The following MRPL1 variants were observed in gnomAD, a reference collection of about 807,000 sequenced individuals.
MRPL1 encodes mitochondrial ribosomal protein L1.
A neutral mutation model predicts 38.0 loss-of-function variants in MRPL1; 28 were observed. That is an observed-to-expected ratio of 0.74 (90% confidence interval 0.55 to 1.01). The LOEUF (loss-of-function observed/expected upper bound fraction) is 1.01. MRPL1 is among the 50% of genes least tolerant of loss of function. MRPL1 has a pLI of 0.00. For missense variants in MRPL1, 358 were observed against 389.8 expected (o/e 0.92, Z 0.69); for synonymous variants, 123 against 126.7 (o/e 0.97, Z 0.20).
At chr4:77,928,330 T>G (rs1019292685) in intron 7 of MRPL1, among the ~76,000 whole-genome samples, 7 of 152,314 alleles carry the variant, frequency 4.6e-5, no homozygotes, top group Admixed American at 3.3e-4. Flanking sequence ...AATTAAATGC[T>G]TATTTTGAAG....
chr4:77,947,494 G>A (rs1022955901), intron 7 of MRPL1, among the ~76,000 whole-genome samples: 2 of 152,048 alleles, frequency 1.3e-5, no homozygotes, highest in African/African-American at 4.8e-5. Flanking sequence ...CATATAATGT[G>A]CTATTGGTAA....
chr4:77,898,652 A>G (rs565380785), intron 6 of MRPL1, among the ~76,000 whole-genome samples: 48 of 151,710 alleles, frequency 3.2e-4, no homozygotes, highest in Non-Finnish European at 6.5e-4. Flanking sequence ...CACCATGCCC[A>G]GGTAATTTTT....
chr4:77,924,934 C>CA (rs2110256210), intron 7 of MRPL1, among the ~76,000 whole-genome samples: 1 of 152,286 alleles, frequency 6.6e-6, no homozygotes, highest in Admixed American at 6.5e-5. Context: ...TAAATGCCCT[C>CA]AGTATCTGCA....
chr4:77,882,048 C>G (rs1277885630), intron 2 of MRPL1, among the ~76,000 whole-genome samples: 1 of 152,156 alleles, frequency 6.6e-6, no homozygotes, highest in African/African-American at 2.4e-5. Context: ...GTTCAGAAGT[C>G]AGCAAACTTT....
rs760163600 is a variant in MRPL1 at position 77,862,897 on chromosome 4, C to T, written c.31+18C>T. 6 of 1,613,934 alleles carry T rather than the reference C, an allele frequency of 3.7e-6. No individual in the cohort carries two copies. Among genetic ancestry groups the T allele is most frequent in the Admixed American group, 1.7e-5 (1 of 59,968 alleles). The stretch of plus-strand genomic sequence containing the variant: ...GGGTAGAGGTAAGGCGAGGGGTTGT[C>T]TTGCAGGGGAAATGGCTCTGGCACC... On this transcript the variant is annotated intron_variant, in intron 1 of 8. Coordinates refer to ENST00000315567, the MANE Select transcript of MRPL1 (RefSeq NM_020236.4).
chr4:77,922,695 G>A (rs376585835), intron 7 of MRPL1, among the ~76,000 whole-genome samples: 6 of 152,204 alleles, frequency 3.9e-5, no homozygotes, highest in South Asian at 2.1e-4. Flanking sequence ...AGGTGTGATA[G>A]AAAGTGAAGA....
intron 7 of MRPL1, among the ~76,000 whole-genome samples, chr4:77,945,875 G>A (rs947606042): frequency 2.0e-4 from 30 of 152,216 alleles, no homozygotes; most frequent in African/African-American, 6.3e-4. Flanking sequence ...ACAAGGCAAA[G>A]GGCAAAGCAA....
chr4:77,866,459 A>G (rs1201821353), intron 1 of MRPL1, among the ~76,000 whole-genome samples: 1 of 152,192 alleles, frequency 6.6e-6, no homozygotes, highest in Non-Finnish European at 1.5e-5. Flanking sequence ...AAAATTTTAA[A>G]TTGTACATGT....
At chr4:77,908,910 A>T (rs983337409) in intron 6 of MRPL1, among the ~76,000 whole-genome samples, 1 of 152,222 alleles carries the variant, frequency 6.6e-6, no homozygotes, top group African/African-American at 2.4e-5. Context: ...GCTGGCTGTT[A>T]GCTTGAGTCT....
At chr4:77,925,280 A>G (rs1034641262) in intron 7 of MRPL1, among the ~76,000 whole-genome samples, 1 of 151,826 alleles carries the variant, frequency 6.6e-6, no homozygotes, top group African/African-American at 2.4e-5. Context: ...AATTAGATAT[A>G]TATGTGTGTG....
chr4:77,909,405 C>A, intron 7 of MRPL1, 33 bp downstream of exon 7: 1 of 1,287,842 alleles, frequency 7.8e-7, no homozygotes, highest in Non-Finnish European at 1.1e-6. Context: ...AAATAATCCT[C>A]TTTTTTTGTT....
chr4:77,885,679 T>A (rs994085800), intron 4 of MRPL1, among the ~76,000 whole-genome samples: 3 of 152,174 alleles, frequency 2.0e-5, no homozygotes, highest in African/African-American at 7.2e-5. Flanking sequence ...CATTTAATTT[T>A]TTTTAGAGAT....
chr4:77,878,867 G>C (rs1003536797), intron 2 of MRPL1, among the ~76,000 whole-genome samples: 1 of 152,102 alleles, frequency 6.6e-6, no homozygotes, highest in African/African-American at 2.4e-5. Context: ...AACAGAGCGA[G>C]ACTCCGTCTT....
In MRPL1 at chr4:77,894,261, T is replaced by A. The variant is rs1578045645; in HGVS notation, c.670+11T>A. On this transcript the variant is annotated intron_variant, in intron 6 of 8. Transcript: ENST00000315567. The stretch of plus-strand genomic sequence containing the variant: ...CAAAGCTTTCTCGAAGTAAGAGAAT[T>A]CCTATTATTTCAATATCCTGTCAAC... 6.8e-7 allele frequency: 1 copy of A among 1,468,058 alleles called. No individual in the cohort carries two copies. Among genetic ancestry groups the A allele is most frequent in the East Asian group, 2.3e-5 (1 of 43,588 alleles). The allele number at this position is 1,468,058 out of a possible 1,614,324, so 90.9% of individuals were successfully genotyped here.
At chr4:77,907,976 C>T (rs1736198116) in intron 6 of MRPL1, among the ~76,000 whole-genome samples, 1 of 150,670 alleles carries the variant, frequency 6.6e-6, no homozygotes, top group Non-Finnish European at 1.5e-5. Flanking sequence ...CGGCTCACTA[C>T]AATCTCTGCC....
chr4:77,951,965 A>T (rs1737421428), intron 8 of MRPL1, among the ~76,000 whole-genome samples: 1 of 152,262 alleles, frequency 6.6e-6, no homozygotes, highest in African/African-American at 2.4e-5. Context: ...ACTATTGTAA[A>T]ATAAAAATGG....
chr4:77,876,388 T>C (rs1220787583), intron 2 of MRPL1, among the ~76,000 whole-genome samples: 1 of 152,228 alleles, frequency 6.6e-6, no homozygotes, highest in Non-Finnish European at 1.5e-5. Flanking sequence ...TTCAAGAATA[T>C]TTTATCTTTA....
intron 6 of MRPL1, among the ~76,000 whole-genome samples, chr4:77,902,440 C>G (rs1736058265): frequency 6.8e-6 from 1 of 146,258 alleles, no homozygotes; most frequent in Non-Finnish European, 1.5e-5. Flanking sequence ...AATCATTGTT[C>G]TAAGATTTTT....
In MRPL1 at chr4:77,883,300, G is replaced by A; in HGVS notation, c.202G>A (p.Glu68Lys). 1 of 1,602,426 alleles carries A rather than the reference G, an allele frequency of 6.2e-7. No homozygotes were observed. ...AAAAACACCAGATGAGAAAAAAGATGAAATAGAAAAAATAAAAGCATATCC... is the reference window on the plus strand; with the variant it reads ...AAAAACACCAGATGAGAAAAAAGATAAAATAGAAAAAATAAAAGCATATCC... ...KEKTPDEKKD[E>K]IEKIKAYPYM... Residue 68 changes from glutamate to lysine, a missense_variant, in exon 3 of 9, where the codon GAA becomes AAA. Glu to Lys is a moderately conservative substitution (Grantham distance 56). Transcript: ENST00000315567.
Sources: allele counts gnomAD v4.1 joint callset (sites outside exome capture counted in the v4.1 genomes callset), GRCh38; gene constraint gnomAD v4.1.1; transcripts MANE v1.5; gene names NCBI Gene and HGNC (gene_info 2026-07-23, HGNC 2026-07-21).